RIMKLB: variants seen among roughly 807,000 people sequenced by gnomAD.
RIMKLB encodes the protein beta-citrylglutamate synthase B.
In RIMKLB, 7 loss-of-function variants were observed where a neutral mutation model predicts 32.0. The observed-to-expected ratio is 0.22, with a 90% CI of 0.12 to 0.41. The LOEUF is 0.41. Ranked by LOEUF, RIMKLB falls within the 10% of genes least tolerant of loss-of-function variation. The pLI is 1.00. For missense variants in RIMKLB, 289 were observed against 498.7 expected (o/e 0.58, Z 4.00); for synonymous variants, 172 against 185.1 (o/e 0.93, Z 0.57).
At position 8,773,406 on chromosome 12, in the gene RIMKLB, T is replaced by C; in HGVS notation, c.783T>C (p.Cys261=). The C allele has an allele frequency of 6.2e-7, 1 of 1,614,190 alleles. No homozygotes were observed. The highest frequency in any genetic ancestry group is 2.2e-5 in the East Asian group (1 of 44,894). The change falls in exon 6 of 6, where the codon TGT becomes TGC. Residue 261 remains cysteine (C), a synonymous_variant. Coordinates refer to ENST00000535829, the MANE Select transcript of RIMKLB (RefSeq NM_001297776.2). ...QVSNILGMDV[C]GIDLLMKDDG... is the part of the protein sequence containing the mutation. ...CTAATATCCTGGGGATGGATGTGTG[T>C]GGCATTGATCTGCTGATGAAAGATG...
Position 8,749,965 on chromosome 12 carries a change from C to A in RIMKLB, c.279C>A (p.Arg93=). The change falls in exon 3 of 6, where the codon CGC becomes CGA. Residue 93 remains arginine (R), a synonymous_variant. Transcript: ENST00000535829. ...VQSDSDITVL[R]HLEKMGCRLM... is the part of the protein sequence containing the mutation. ...GTGATAGTGACATCACTGTTTTGCG[C>A]CATCTAGAGAAGATGGGATGTCGGT... 6.2e-7 allele frequency: 1 copy of A among 1,613,782 alleles called. No individual in the cohort carries two copies.
At chr12:8,777,435 T>C, downstream of RIMKLB, 1 of 985,326 alleles carries the variant, frequency 1.0e-6, no homozygotes, top group Non-Finnish European at 1.2e-6. Context: ...CAATGCCATT[T>C]TGCCATGCTG....
At chr12:8,685,737 C>A (rs935309718) in intron 1 of RIMKLB, among the ~76,000 whole-genome samples, 3 of 151,730 alleles carry the variant, frequency 2.0e-5, no homozygotes, top group Non-Finnish European at 4.4e-5. Context: ...CTCCGCCTTC[C>A]GGTTCAAGTG....
Position 8,711,165 on chromosome 12 carries a change from C to G in RIMKLB, c.-56-2646C>G, listed in dbSNP as rs113653013. Among the ~76,000 whole-genome samples, 459 of 151,800 alleles carry G rather than the reference C, an allele frequency of 3.0e-3. 3 individuals are homozygous for G. Among genetic ancestry groups the G allele is most frequent in the Middle Eastern group, 3.4e-3 (1 of 294 alleles). ...AGGAGAATTGCTTGAACCCAGGAGA[C>G]AGAAGTTGCAGTGAGCCAAGGTTGC... On this transcript the variant is annotated intron_variant, in intron 1 of 5. Coordinates refer to ENST00000535829, the MANE Select transcript of RIMKLB (RefSeq NM_001297776.2).
chr12:8,752,087 C>A, intron 4 of RIMKLB, 44 bp downstream of exon 4: 1 of 1,225,872 alleles, frequency 8.2e-7, no homozygotes, highest in Non-Finnish European at 1.2e-6. Flanking sequence ...TGAAACTATT[C>A]TTGCTTATTA....
At chr12:8,762,275 CCTT>C (rs546949280) in intron 5 of RIMKLB, among the ~76,000 whole-genome samples, 3 of 152,096 alleles carry the variant, frequency 2.0e-5, no homozygotes, top group African/African-American at 7.2e-5. Context: ...AAGTATTTTT[CCTT>C]CTTTGGTGGC....
intron 2 of RIMKLB, among the ~76,000 whole-genome samples, chr12:8,728,558 A>G (rs753010822): frequency 3.9e-5 from 6 of 152,312 alleles, no homozygotes; most frequent in Non-Finnish European, 8.8e-5. Flanking sequence ...GTAAAATCCC[A>G]GCAAGTTGGT....
intron 2 of RIMKLB, among the ~76,000 whole-genome samples, chr12:8,716,250 T>C (rs1944817743): frequency 6.6e-6 from 1 of 152,184 alleles, no homozygotes; most frequent in South Asian, 2.1e-4. Flanking sequence ...ACCATTGCTC[T>C]TGATATTTTT....
chr12:8,748,166 T>C (rs1005530959), intron 2 of RIMKLB, among the ~76,000 whole-genome samples: 1 of 152,226 alleles, frequency 6.6e-6, no homozygotes, highest in South Asian at 2.1e-4. Flanking sequence ...AAGGTGAATA[T>C]GTTCTGTATT....
intron 2 of RIMKLB, among the ~76,000 whole-genome samples, chr12:8,731,818 A>C (rs1022058962): frequency 6.6e-6 from 1 of 152,036 alleles, no homozygotes; most frequent in South Asian, 2.1e-4. Context: ...GCGAGGATAT[A>C]TATTTTATCC....
intron 2 of RIMKLB, among the ~76,000 whole-genome samples, chr12:8,734,854 A>T (rs901193388): frequency 6.6e-6 from 1 of 152,210 alleles, no homozygotes; most frequent in Non-Finnish European, 1.5e-5. Context: ...AATAAATGCC[A>T]AGAGGCAAAC....
At chr12:8,716,935 T>TA (rs112481105) in intron 2 of RIMKLB, among the ~76,000 whole-genome samples, 1 of 151,686 alleles carries the variant, frequency 6.6e-6, no homozygotes, top group Middle Eastern at 3.4e-3. Context: ...ATCATCTTAA[T>TA]ATTGTTTTAA....
chr12:8,699,898 T>C (rs1026073066), intron 1 of RIMKLB: 11 of 152,200 alleles, frequency 7.2e-5, no homozygotes, highest in African/African-American at 2.2e-4. Flanking sequence ...AAGAGCCACT[T>C]TTCTCTTCCT....
At chr12:8,712,171 T>C (rs1004244596) in intron 1 of RIMKLB, among the ~76,000 whole-genome samples, 6 of 152,126 alleles carry the variant, frequency 3.9e-5, no homozygotes, top group Admixed American at 6.5e-5. Flanking sequence ...CTGGTCCTTA[T>C]CTTCTTTTTT....
At chr12:8,719,189 A>G (rs1006258411) in intron 2 of RIMKLB, among the ~76,000 whole-genome samples, 4 of 152,136 alleles carry the variant, frequency 2.6e-5, no homozygotes, top group African/African-American at 9.7e-5. Context: ...GATCTTTCAC[A>G]TAGTAATATG....
the RIMKLB span, among the ~76,000 whole-genome samples, chr12:8,671,055 G>T: frequency 2.0e-5 from 3 of 152,136 alleles, no homozygotes; most frequent in Admixed American, 6.5e-5. Context: ...ACAGCACAGA[G>T]ACTCTGGACC....
upstream of RIMKLB, among the ~76,000 whole-genome samples, chr12:8,692,881 TG>T (rs568004080): frequency 5.3e-5 from 8 of 152,346 alleles, no homozygotes; most frequent in South Asian, 1.4e-3. Context: ...GTTCCTTATT[TG>T]CTAGTCAAGG....
In RIMKLB at chr12:8,775,162, T is replaced by A. The variant is rs759299224; in HGVS notation, c.*1378T>A. 4.2e-5 allele frequency: 41 copies of A among 985,716 alleles called. No homozygotes were observed. The highest frequency in any genetic ancestry group is 4.9e-5 in the Non-Finnish European group (41 of 829,904). 61.1% of individuals were successfully genotyped at this position (985,716 alleles called of 1,614,324 possible). Reference sequence around the variant, plus strand: ...GTACAGTTTATTCAAGGCTACATGCTTTTCTTTAATGCTTCTGGCTATGCA... The same window carrying A: ...GTACAGTTTATTCAAGGCTACATGCATTTCTTTAATGCTTCTGGCTATGCA... On this transcript the variant is annotated 3_prime_UTR_variant, in exon 6 of 6. Coordinates refer to ENST00000535829, the MANE Select transcript of RIMKLB (RefSeq NM_001297776.2).
intron 1 of RIMKLB, among the ~76,000 whole-genome samples, chr12:8,709,790 A>G (rs1422368536): frequency 1.3e-5 from 2 of 152,154 alleles, no homozygotes; most frequent in African/African-American, 4.8e-5. Context: ...GTATATTGTT[A>G]TAATTGTTCT....
Sources: allele counts gnomAD v4.1 joint callset (sites outside exome capture counted in the v4.1 genomes callset), GRCh38; gene constraint gnomAD v4.1.1; transcripts MANE v1.5; gene names NCBI Gene and HGNC (gene_info 2026-07-23, HGNC 2026-07-21).